Variants in IQCH observed in about 807,000 individuals in gnomAD.
The protein encoded by IQCH is IQ motif containing H.
IQCH carries 98 observed loss-of-function variants against 117.0 expected under a neutral mutation model. That is an observed-to-expected ratio of 0.84 (90% CI 0.71 to 0.99). The LOEUF (loss-of-function observed/expected upper bound fraction) is 0.99. IQCH is among the 50% of genes least tolerant of loss of function. The probability of loss-of-function intolerance (pLI) is 0.00; values close to 1 mark genes in which losing one functional copy is unlikely to be tolerated. For synonymous variants in IQCH, 412 were observed against 448.2 expected (o/e 0.92, Z 1.02); for missense variants, 1,102 against 1,243.8 (o/e 0.89, Z 1.72).
intron 18 of IQCH, among the ~76,000 whole-genome samples, chr15:67,488,885 C>T (rs893605688): frequency 1.3e-5 from 2 of 152,052 alleles, no homozygotes; most frequent in Non-Finnish European, 2.9e-5. Context: ...CTGTGTGGCC[C>T]GGTTCCTAAC....
At chr15:67,483,380 G>C (rs149632327) in intron 18 of IQCH, among the ~76,000 whole-genome samples, 1 of 152,280 alleles carries the variant, frequency 6.6e-6, no homozygotes, top group African/African-American at 2.4e-5. Context: ...ATCTGGGCGT[G>C]ATGGCCCATC....
chr15:67,376,480 AGC>A lies in IQCH; in HGVS notation c.1372+3048_1372+3049del, dbSNP rs1211833023. On this transcript the variant is annotated intron_variant, in intron 10 of 20. Coordinates refer to ENST00000335894, the MANE Select transcript of IQCH (RefSeq NM_001031715.3). This position sits in a 1 kb window ranked among gnomAD's most constrained non-coding sequence, Gnocchi z 5.0. Reference sequence around the variant, plus strand: ...CAGGTAGGCATTTAACACAAGTTGCAGCCTTGTCCTCTTTTTCTCTTGCCATA... The same window carrying A: ...CAGGTAGGCATTTAACACAAGTTGCACTTGTCCTCTTTTTCTCTTGCCATA... Among the ~76,000 whole-genome samples the A allele has an allele frequency of 6.6e-6, 1 of 152,246 alleles. No individual in the cohort carries two copies. Among genetic ancestry groups the A allele is most frequent in the Non-Finnish European group, 1.5e-5 (1 of 68,036 alleles).
In IQCH at chr15:67,400,164, T is replaced by C. The variant is rs7495023; in HGVS notation, c.1956T>C (p.Arg652=). The change falls in exon 14 of 21, where the codon CGT becomes CGC. Residue 652 remains arginine, a synonymous_variant. Coordinates refer to ENST00000335894, the MANE Select transcript of IQCH (RefSeq NM_001031715.3). ...QLITDHLQIQ[R]WLFKMDSEFR... ...TAACTGATCACCTGCAAATACAGCG[T>C]TGGCTCTTTAAAATGGACTCTGAGT... 1 allele frequency: 1,613,344 copies of C among 1,613,976 alleles called. 806,360 individuals carry two copies. The highest frequency in any genetic ancestry group is 1 in the Middle Eastern group (6,056 of 6,056).
At chr15:67,361,230 A>G (rs1378850858) in intron 8 of IQCH, among the ~76,000 whole-genome samples, 3 of 152,212 alleles carry the variant, frequency 2.0e-5, no homozygotes, top group Non-Finnish European at 4.4e-5. Context: ...TAGTACTACT[A>G]CTGCTCCTGT....
rs200062126 is a variant in IQCH at position 67,421,400 on chromosome 15, T to A, written c.2328T>A (p.Leu776=). The change falls in exon 16 of 21, where the codon CTT becomes CTA. Residue 776 remains leucine (L), a synonymous_variant. Transcript: ENST00000335894. ...KISVLSTGDQ[L]HAESPFISSG... is the part of the protein sequence containing the mutation. ...GCGTGCTGTCGACAGGGGACCAGCT[T>A]CATGCTGAAAGCCCCTTCATCTCCT... 2.0e-5 allele frequency: 32 copies of A among 1,614,042 alleles called. No individual in the cohort carries two copies. The highest frequency in any genetic ancestry group is 2.6e-5 in the Non-Finnish European group (31 of 1,180,010).
intron 2 of IQCH, among the ~76,000 whole-genome samples, chr15:67,262,912 C>T (rs1201956030): frequency 6.6e-6 from 1 of 152,006 alleles, no homozygotes. Context: ...TACCACAGGT[C>T]ACTCAAGCTT....
Position 67,337,105 on chromosome 15 carries a change from T to G in IQCH, c.508+10T>G. 3 of 1,612,832 alleles carry G rather than the reference T, an allele frequency of 1.9e-6. No homozygotes were observed. Among genetic ancestry groups the G allele is most frequent in the Non-Finnish European group, 2.5e-6 (3 of 1,179,300 alleles). The stretch of plus-strand genomic sequence containing the variant: ...GCAGATGCCCACAAAGGTTAGTGAT[T>G]CAATAGCCATTTTACGTGTTTAGGA... On this transcript the variant is annotated intron_variant, in intron 5 of 20. Transcript: ENST00000335894.
intron 20 of IQCH, among the ~76,000 whole-genome samples, chr15:67,497,739 C>A (rs1381562743): frequency 6.6e-6 from 1 of 152,172 alleles, no homozygotes; most frequent in African/African-American, 2.4e-5. Flanking sequence ...ATCCGCCCGC[C>A]TCGGCCTCCC....
At chr15:67,334,013 G>A (rs577085426) in intron 4 of IQCH, among the ~76,000 whole-genome samples, 2 of 152,158 alleles carry the variant, frequency 1.3e-5, no homozygotes, top group African/African-American at 2.4e-5. Flanking sequence ...AGCTGTGATC[G>A]TGCCACTGAA....
intron 1 of IQCH, 113 bp from the exon 2 acceptor site, chr15:67,261,159 T>A: frequency 3.3e-6 from 2 of 608,330 alleles, no homozygotes; most frequent in Non-Finnish European, 2.6e-6. Context: ...TACCATAAAA[T>A]CAGCTTTGTG....
intron 14 of IQCH, among the ~76,000 whole-genome samples, chr15:67,402,608 G>C (rs867631839): frequency 9.2e-5 from 14 of 152,148 alleles, no homozygotes; most frequent in South Asian, 8.3e-4. Flanking sequence ...ATCAAGCCTA[G>C]CCTGGCACAT....
chr15:67,371,435 A>G (rs945253226), intron 8 of IQCH: 2 of 1,442,382 alleles, frequency 1.4e-6, no homozygotes, highest in Non-Finnish European at 1.8e-6. Flanking sequence ...CAGATTTGTG[A>G]TCCTAATCCA....
In IQCH at chr15:67,385,000, G is replaced by A. The variant is rs1971064952; in HGVS notation, c.1437G>A (p.Gly479=). 14 of 1,608,460 alleles carry A rather than the reference G, an allele frequency of 8.7e-6. No homozygotes were observed. Among genetic ancestry groups the A allele is most frequent in the Non-Finnish European group, 1.1e-5 (13 of 1,175,166 alleles). ...DFNTQQNMQL[G]RLCDILDANV... is the part of the protein sequence containing the mutation. ...ACACACAGCAGAACATGCAGCTGGG[G>A]AGGCTGTGTGACATCTTAGGTACAG... Residue 479 remains glycine, a synonymous_variant, in exon 11 of 21, where the codon GGG becomes GGA. Coordinates refer to ENST00000335894, the MANE Select transcript of IQCH (RefSeq NM_001031715.3). This position sits in a 1 kb window ranked among gnomAD's most constrained non-coding sequence, Gnocchi z 4.3.
At chr15:67,448,393 G>A (rs890688378) in intron 16 of IQCH, among the ~76,000 whole-genome samples, 1 of 107,964 alleles carries the variant, frequency 9.3e-6, no homozygotes, top group African/African-American at 3.9e-5. Context: ...CCCCACAATA[G>A]TCCCCGATGT....
Position 67,400,210 on chromosome 15 carries a change from T to C in IQCH, c.2002T>C (p.Phe668Leu), listed in dbSNP as rs1235108286. ...DSEFRGNGTAFCDIPSYLKCY... is the reference protein window; with the variant it reads ...DSEFRGNGTALCDIPSYLKCY... ...TGAGTTCCGAGGAAATGGGACTGCA[T>C]TTTGTGATATTCCTTCCTACCTAAA... The change falls in exon 14 of 21, where the codon TTT (phenylalanine) becomes CTT (leucine). Residue 668 changes from phenylalanine (F) to leucine (L), a missense_variant. Physicochemically the swap from Phe to Leu is conservative, Grantham distance 22. Around this residue, in one of 2 missense-constraint regions of IQCH, gnomAD observed 650 missense variants for 794.3 expected, o/e 0.82. Transcript: ENST00000335894. 1 of 1,613,484 alleles carries C rather than the reference T, an allele frequency of 6.2e-7. No homozygotes were observed. Among genetic ancestry groups the C allele is most frequent in the African/African-American group, 1.3e-5 (1 of 74,908 alleles).
chr15:67,360,257 G>C (rs1056061769), intron 8 of IQCH, among the ~76,000 whole-genome samples: 1 of 152,128 alleles, frequency 6.6e-6, no homozygotes, highest in Admixed American at 6.6e-5. Context: ...TTGTCCCCCA[G>C]CACGTGCTTA....
chr15:67,286,255 T>C (rs1161933588), intron 4 of IQCH, among the ~76,000 whole-genome samples: 1 of 152,240 alleles, frequency 6.6e-6, no homozygotes, highest in Non-Finnish European at 1.5e-5. Flanking sequence ...CTTATAGAAA[T>C]GCTACTGATG....
chr15:67,329,298 CA>C (rs112654218), intron 4 of IQCH, among the ~76,000 whole-genome samples: 63,041 of 142,784 alleles, frequency 0.44, 13,691 homozygotes, highest in Non-Finnish European at 0.51. Context: ...GACCTTGTCT[CA>C]AAAAAAAAAA....
At chr15:67,315,386 T>C (rs1335831744) in intron 4 of IQCH, among the ~76,000 whole-genome samples, 3 of 152,166 alleles carry the variant, frequency 2.0e-5, no homozygotes, top group Admixed American at 6.6e-5. Context: ...AATACATCCC[T>C]GTAAAGTGAG....
Sources: allele counts gnomAD v4.1 joint callset (sites outside exome capture counted in the v4.1 genomes callset), GRCh38; gene constraint gnomAD v4.1.1; regional missense constraint gnomAD v4.1.1; non-coding constraint Gnocchi (gnomAD v3.1); transcripts MANE v1.5; gene names NCBI Gene and HGNC (gene_info 2026-07-23, HGNC 2026-07-21).